Variants in RAD23B observed in about 807,000 individuals in gnomAD.
RAD23B encodes the protein RAD23 nucleotide excision repair protein B.
Under a neutral mutation model 49.1 loss-of-function variants are expected in RAD23B, and 5 were observed. The observed-to-expected ratio is 0.10, with a 90% CI of 0.05 to 0.21. The LOEUF is 0.21. Among genes scored for constraint, RAD23B ranks in the 10% least tolerant of loss-of-function variants. The probability of loss-of-function intolerance (pLI) is 1.00; values close to 1 mark genes in which losing one functional copy is unlikely to be tolerated. For missense variants in RAD23B, 356 were observed against 486.7 expected (o/e 0.73, Z 2.53); for synonymous variants, 184 against 165.4 (o/e 1.11, Z -0.86).
At position 107,304,097 on chromosome 9, in the gene RAD23B, GAGAAATGACCTTATTAATACAA is replaced by G. The variant is rs529394726; in HGVS notation, c.228+1988_228+2009del. Among the ~76,000 whole-genome samples, 651 of 152,232 alleles carry G rather than the reference GAGAAATGACCTTATTAATACAA, an allele frequency of 4.3e-3. 1 individual carries two copies. The highest frequency in any genetic ancestry group is 7.7e-3 in the South Asian group (37 of 4,826). Reference sequence around the variant, plus strand: ...TACAGTAAGGCATTATGGAAGCACTGAGAAATGACCTTATTAATACAAAGAAGGGAAAGGAAAAAGCTATTAA... The same window carrying G: ...TACAGTAAGGCATTATGGAAGCACTGAGAAGGGAAAGGAAAAAGCTATTAA... On this transcript the variant is annotated intron_variant, in intron 3 of 9. Coordinates refer to ENST00000358015, the MANE Select transcript of RAD23B (RefSeq NM_002874.5).
chr9:107,297,654 A>C (rs189287805), intron 1 of RAD23B, among the ~76,000 whole-genome samples: 1 of 151,404 alleles, frequency 6.6e-6, no homozygotes, highest in Admixed American at 6.6e-5. Context: ...TTTTTTAATC[A>C]ATTTTGATTT....
chr9:107,329,620 C>T lies in RAD23B; in HGVS notation c.1194C>T (p.Ala398=), dbSNP rs1330738238. 1.9e-6 allele frequency: 3 copies of T among 1,612,996 alleles called. No homozygotes were observed. In the Admixed American group the frequency reaches 5.0e-5, roughly 27 times the overall value. ...GTGAGAAGAATGAGAATTTGGCTGCCAATTTTCTTCTACAGCAGAACTTTG... is the reference window on the plus strand; with the variant it reads ...GTGAGAAGAATGAGAATTTGGCTGCTAATTTTCTTCTACAGCAGAACTTTG... ...FACEKNENLA[A]NFLLQQNFDE... The change falls in exon 10 of 10, where the codon GCC becomes GCT. Residue 398 remains alanine (A), a synonymous_variant. Coordinates refer to ENST00000358015, the MANE Select transcript of RAD23B (RefSeq NM_002874.5).
At chr9:107,324,798 G>A in intron 8 of RAD23B, 36 bp from the exon 9 acceptor site, 1 of 1,522,732 alleles carries the variant, frequency 6.6e-7, no homozygotes, top group Non-Finnish European at 8.9e-7. Flanking sequence ...CTTAATATCA[G>A]TGTATTATTT....
At chr9:107,314,128 C>A (rs965523307) in intron 5 of RAD23B, among the ~76,000 whole-genome samples, 1 of 152,194 alleles carries the variant, frequency 6.6e-6, no homozygotes, top group African/African-American at 2.4e-5. Flanking sequence ...GAAAGCAACT[C>A]TCATGGGGTC....
At chr9:107,296,870 T>A (rs1273305949) in intron 1 of RAD23B, among the ~76,000 whole-genome samples, 1 of 151,520 alleles carries the variant, frequency 6.6e-6, no homozygotes, top group African/African-American at 2.4e-5. Context: ...TTTTTTTTTT[T>A]TTTGAGATGC....
At chr9:107,321,374 C>G (rs1827108568) in intron 6 of RAD23B, among the ~76,000 whole-genome samples, 1 of 152,142 alleles carries the variant, frequency 6.6e-6, no homozygotes, top group African/African-American at 2.4e-5. Flanking sequence ...GTGACACTTT[C>G]TCAGTACCAT....
chr9:107,315,540 C>G (rs1160092673), intron 5 of RAD23B, among the ~76,000 whole-genome samples: 1 of 151,906 alleles, frequency 6.6e-6, no homozygotes, highest in Non-Finnish European at 1.5e-5. Flanking sequence ...TTTTGAGACT[C>G]TCTCTCTTTG....
intron 9 of RAD23B, among the ~76,000 whole-genome samples, chr9:107,325,861 A>G (rs1440444648): frequency 6.6e-6 from 1 of 152,178 alleles, no homozygotes; most frequent in Non-Finnish European, 1.5e-5. Flanking sequence ...TAAGTATGAT[A>G]TTATCTATGG....
chr9:107,304,915 A>G (rs1826729565), intron 3 of RAD23B, among the ~76,000 whole-genome samples: 1 of 152,216 alleles, frequency 6.6e-6, no homozygotes, highest in South Asian at 2.1e-4. Context: ...AGCCTTACTG[A>G]TAACGTAAAC....
chr9:107,327,530 C>T (rs541398142), intron 9 of RAD23B, among the ~76,000 whole-genome samples: 1 of 152,192 alleles, frequency 6.6e-6, no homozygotes, highest in Non-Finnish European at 1.5e-5. Context: ...TTAATTCATT[C>T]GTTATTTAGG....
intron 1 of RAD23B, among the ~76,000 whole-genome samples, chr9:107,292,132 T>C (rs1833394559): frequency 6.6e-6 from 1 of 152,114 alleles, no homozygotes; most frequent in Non-Finnish European, 1.5e-5. Flanking sequence ...AATTAGCAAC[T>C]AGCTTTTTTT....
At chr9:107,292,142 TC>T (rs1172906069) in intron 1 of RAD23B, among the ~76,000 whole-genome samples, 1 of 151,726 alleles carries the variant, frequency 6.6e-6, no homozygotes, top group African/African-American at 2.4e-5. Context: ...TAGCTTTTTT[TC>T]CTCAAACATA....
intron 9 of RAD23B, among the ~76,000 whole-genome samples, chr9:107,326,905 C>T (rs901460973): frequency 1.8e-4 from 28 of 152,048 alleles, no homozygotes; most frequent in African/African-American, 5.8e-4. Flanking sequence ...TCCTAAAGTG[C>T]TGGGATTACA....
chr9:107,329,913 C>T lies in RAD23B; in HGVS notation c.*257C>T. On this transcript the variant is annotated 3_prime_UTR_variant, in exon 10 of 10. Coordinates refer to ENST00000358015, the MANE Select transcript of RAD23B (RefSeq NM_002874.5). ...AATCAGCTTTTGCAGGTCTTTATTT[C>T]TTCTGTAAAACAGTAGGTAACTTTT... The T allele has an allele frequency of 4.1e-6, 1 of 244,100 alleles. No individual in the cohort carries two copies. Among genetic ancestry groups the T allele is most frequent in the East Asian group, 7.4e-5 (1 of 13,532 alleles). The allele number at this position is 244,100 out of a possible 1,614,324, so 15.1% of individuals were successfully genotyped here.
chr9:107,321,368 C>T (rs922285679), intron 6 of RAD23B, among the ~76,000 whole-genome samples: 3 of 152,152 alleles, frequency 2.0e-5, no homozygotes, highest in African/African-American at 7.2e-5. Flanking sequence ...TTCTGAGTGA[C>T]ACTTTCTCAG....
chr9:107,286,340 CT>C (rs746027166), intron 1 of RAD23B, among the ~76,000 whole-genome samples: 1 of 152,152 alleles, frequency 6.6e-6, no homozygotes, highest in Non-Finnish European at 1.5e-5. Context: ...TTCTGGGAGC[CT>C]TATTGACTTA....
At chr9:107,283,768 G>GC (rs1342251326) in intron 1 of RAD23B, 73 bp downstream of exon 1, 6 of 1,270,396 alleles carry the variant, frequency 4.7e-6, no homozygotes, top group Non-Finnish European at 6.0e-6. Flanking sequence ...GTGGGGCCGG[G>GC]CGGCGCGCTC....
At chr9:107,288,879 G>T (rs1833326940) in intron 1 of RAD23B, among the ~76,000 whole-genome samples, 1 of 152,154 alleles carries the variant, frequency 6.6e-6, no homozygotes, top group Admixed American at 6.5e-5. Context: ...AAGGTGATGG[G>T]TAAGAGATAA....
At chr9:107,316,449 G>C (rs891467774) in intron 5 of RAD23B, among the ~76,000 whole-genome samples, 1 of 152,180 alleles carries the variant, frequency 6.6e-6, no homozygotes, top group African/African-American at 2.4e-5. Flanking sequence ...ATTTTTTGTA[G>C]CTCGTAATTT....
Sources: allele counts gnomAD v4.1 joint callset (sites outside exome capture counted in the v4.1 genomes callset), GRCh38; gene constraint gnomAD v4.1.1; transcripts MANE v1.5; gene names NCBI Gene and HGNC (gene_info 2026-07-23, HGNC 2026-07-21).